Variants in ARHGAP20 observed in about 807,000 individuals in gnomAD.
ARHGAP20 encodes Rho GTPase activating protein 20, also known as rho GTPase-activating protein 20.
ARHGAP20 carries 34 observed loss-of-function variants against 73.7 expected under a neutral mutation model. The observed-to-expected ratio is 0.46, with a 90% CI of 0.35 to 0.61. The LOEUF is 0.61. ARHGAP20 is among the 20% of genes least tolerant of loss of function. The probability of loss-of-function intolerance (pLI) is 0.00; values close to 1 mark genes in which losing one functional copy is unlikely to be tolerated. For missense variants in ARHGAP20, 1,314 were observed against 1,420.9 expected, an observed-to-expected ratio of 0.92 and a Z score of 1.21; for synonymous variants, 523 against 518.2, an observed-to-expected ratio of 1.01 and a Z score of -0.13.
intron 2 of ARHGAP20, among the ~76,000 whole-genome samples, chr11:110,677,906 A>C (rs1949964835): frequency 6.6e-6 from 1 of 152,252 alleles, no homozygotes; most frequent in Non-Finnish European, 1.5e-5. Context: ...ACATATGTGC[A>C]AACAAAAACT....
intron 1 of ARHGAP20, among the ~76,000 whole-genome samples, chr11:110,709,710 G>A (rs1171394369): frequency 3.3e-5 from 5 of 152,138 alleles, no homozygotes. Flanking sequence ...CATGTGGTTG[G>A]AGAATACACA....
intron 9 of ARHGAP20, among the ~76,000 whole-genome samples, chr11:110,601,557 A>C (rs754043001): frequency 1.1e-4 from 16 of 152,250 alleles, no homozygotes; most frequent in Non-Finnish European, 1.9e-4. Context: ...GGCACAAACT[A>C]TGCTCCCTGG....
chr11:110,622,654 T>A (rs1196698840), intron 4 of ARHGAP20, among the ~76,000 whole-genome samples: 2 of 152,218 alleles, frequency 1.3e-5, no homozygotes, highest in Admixed American at 1.3e-4. Context: ...TTTCTCTGAT[T>A]TTGTTTTTCT....
At chr11:110,625,019 TA>T (rs1226886367) in intron 3 of ARHGAP20, among the ~76,000 whole-genome samples, 1 of 101,708 alleles carries the variant, frequency 9.8e-6, no homozygotes, top group African/African-American at 5.9e-5. Context: ...ATTTTTTTTT[TA>T]TTTTTATTTT....
At chr11:110,612,180 A>G (rs1233504826) in intron 6 of ARHGAP20, among the ~76,000 whole-genome samples, 1 of 152,054 alleles carries the variant, frequency 6.6e-6, no homozygotes, top group African/African-American at 2.4e-5. Flanking sequence ...GCACTTTGGG[A>G]GGCCGAGGTG....
chr11:110,696,699 A>G (rs977724019), intron 1 of ARHGAP20, among the ~76,000 whole-genome samples: 7 of 151,654 alleles, frequency 4.6e-5, no homozygotes, highest in African/African-American at 1.7e-4. Flanking sequence ...TCTGATAGGT[A>G]GTTTTTCAAC....
At chr11:110,674,155 C>G (rs911989773) in intron 2 of ARHGAP20, among the ~76,000 whole-genome samples, 1 of 152,048 alleles carries the variant, frequency 6.6e-6, no homozygotes, top group Non-Finnish European at 1.5e-5. Context: ...AGGATGTTCT[C>G]GATCTCTTGA....
At chr11:110,627,176 C>T (rs186941105) in intron 3 of ARHGAP20, among the ~76,000 whole-genome samples, 3 of 152,220 alleles carry the variant, frequency 2.0e-5, no homozygotes, top group African/African-American at 7.2e-5. Context: ...GCAACCACCA[C>T]CCCTCAGGTT....
At chr11:110,615,404 TGTAC>T in intron 5 of ARHGAP20, 145 bp downstream of exon 5, 1 of 613,106 alleles carries the variant, frequency 1.6e-6, no homozygotes, top group Non-Finnish European at 2.8e-6. Flanking sequence ...AAGTAGCTAG[TGTAC>T]GATATAAACG....
chr11:110,637,655 G>T (rs755405666), intron 2 of ARHGAP20, among the ~76,000 whole-genome samples: 3 of 152,076 alleles, frequency 2.0e-5, no homozygotes, highest in Non-Finnish European at 2.9e-5. Context: ...TGGGTCCTTG[G>T]CCTCCAAGAG....
chr11:110,608,949 AATCAATGCT>A (rs768169064), intron 8 of ARHGAP20, 26 bp downstream of exon 8: 9 of 1,564,650 alleles, frequency 5.8e-6, no homozygotes, highest in Non-Finnish European at 7.0e-6. Context: ...ATTAAAACAC[AATCAATGCT>A]ATCTTAGACT....
chr11:110,585,497 C>A (rs1947639025), intron 12 of ARHGAP20, among the ~76,000 whole-genome samples: 1 of 152,094 alleles, frequency 6.6e-6, no homozygotes, highest in Admixed American at 6.6e-5. Context: ...TAAGAAAAAA[C>A]AACTGTACTA....
chr11:110,578,964 T>A lies in ARHGAP20; in HGVS notation c.*406A>T. On this transcript the variant is annotated 3_prime_UTR_variant, in exon 15 of 15. Transcript: ENST00000683387. ...CTTATTAAAAACATTCCATGGAATG[T>A]AGATGGTTTCTCTGTACCCTTCCCC... 1.0e-6 allele frequency: 1 copy of A among 988,478 alleles called. No homozygotes were observed. 61.2% of individuals were successfully genotyped at this position (988,478 alleles called of 1,614,324 possible).
chr11:110,663,504 G>C (rs1013687128), intron 2 of ARHGAP20, among the ~76,000 whole-genome samples: 21 of 151,524 alleles, frequency 1.4e-4, no homozygotes, highest in African/African-American at 4.8e-4. Flanking sequence ...AACTGAAATG[G>C]AAAAAATATC....
At chr11:110,669,017 C>G (rs1331515583) in intron 2 of ARHGAP20, among the ~76,000 whole-genome samples, 3 of 151,768 alleles carry the variant, frequency 2.0e-5, no homozygotes, top group South Asian at 2.1e-4. Flanking sequence ...AACTATAAAA[C>G]TTCTAAAAGA....
chr11:110,666,533 C>G (rs866179552), intron 2 of ARHGAP20, among the ~76,000 whole-genome samples: 4 of 152,148 alleles, frequency 2.6e-5, no homozygotes. Flanking sequence ...CACTTACATA[C>G]CCAATTGATT....
intron 2 of ARHGAP20, among the ~76,000 whole-genome samples, chr11:110,659,275 C>G (rs1382763660): frequency 5.0e-5 from 7 of 140,828 alleles, no homozygotes; most frequent in Admixed American, 2.9e-4. Context: ...GATGGTATCT[C>G]ATTGTGGTTT....
intron 2 of ARHGAP20, among the ~76,000 whole-genome samples, chr11:110,682,973 G>T (rs1167241876): frequency 6.7e-6 from 1 of 149,958 alleles, no homozygotes; most frequent in Non-Finnish European, 1.5e-5. Flanking sequence ...CCCTGGTGTT[G>T]TCTGTCCCTC....
At chr11:110,607,967 T>C (rs976689705) in intron 8 of ARHGAP20, among the ~76,000 whole-genome samples, 3 of 152,224 alleles carry the variant, frequency 2.0e-5, no homozygotes, top group African/African-American at 7.2e-5. Context: ...TCATTGACTA[T>C]TACAAAAATG....
Sources: allele counts gnomAD v4.1 joint callset (sites outside exome capture counted in the v4.1 genomes callset), GRCh38; gene constraint gnomAD v4.1.1; transcripts MANE v1.5; gene names NCBI Gene and HGNC (gene_info 2026-07-23, HGNC 2026-07-21).